Variants in MIPEP observed in about 807,000 individuals in gnomAD.
MIPEP encodes the protein mitochondrial intermediate peptidase.
A neutral mutation model predicts 90.3 loss-of-function variants in MIPEP; 79 were observed. That is an observed-to-expected ratio of 0.87 (90% CI 0.73 to 1.05). The LOEUF (loss-of-function observed/expected upper bound fraction) is 1.05. Among genes scored for constraint, MIPEP ranks in the 50% least tolerant of loss-of-function variants. The pLI is 0.00. For synonymous variants in MIPEP, 334 were observed against 315.8 expected (o/e 1.06, Z -0.61); for missense variants, 940 against 905.6 (o/e 1.04, Z -0.49).
rs1423452263 is a variant in MIPEP, at chr13:23,751,218, TAAAC to T, written c.2044+5323_2044+5326del. Reference sequence around the variant, plus strand: ...AACCATAATTCTCTGGTTTGTTTCTTAAACAAAAAAAATTTAATAAGCTAGAAGA... The same window carrying T: ...AACCATAATTCTCTGGTTTGTTTCTTAAAAAAAATTTAATAAGCTAGAAGA... On this transcript the variant is annotated intron_variant, in intron 18 of 18. Coordinates refer to ENST00000382172, the MANE Select transcript of MIPEP (RefSeq NM_005932.4). Among the ~76,000 whole-genome samples, 3 of 152,166 alleles carry T rather than the reference TAAAC, an allele frequency of 2.0e-5. No homozygotes were observed. In the South Asian group the frequency reaches 6.2e-4, roughly 32 times the overall value.
intron 2 of MIPEP, among the ~76,000 whole-genome samples, chr13:23,883,004 C>G (rs1871329227): frequency 6.6e-6 from 1 of 151,656 alleles, no homozygotes; most frequent in Non-Finnish European, 1.5e-5. Context: ...AAAAAGAAAA[C>G]AAAATAAAAT....
chr13:23,854,914 TAAAC>T (rs1284025106), intron 10 of MIPEP, among the ~76,000 whole-genome samples: 9 of 146,830 alleles, frequency 6.1e-5, no homozygotes, highest in African/African-American at 1.0e-4. Flanking sequence ...AAAAAAACAA[TAAAC>T]AAACAAACAA....
In MIPEP at chr13:23,837,573, T is replaced by C. The variant is rs1472859073; in HGVS notation, c.1522A>G (p.Thr508Ala). 6.2e-7 allele frequency: 1 copy of C among 1,612,912 alleles called. No individual in the cohort carries two copies. Among genetic ancestry groups the C allele is most frequent in the Non-Finnish European group, 8.5e-7 (1 of 1,179,090 alleles). Residue 508 changes from threonine to alanine, a missense_variant, in exon 13 of 19, where the codon ACT becomes GCT. Thr to Ala is a moderately conservative substitution (Grantham distance 58). Coordinates refer to ENST00000382172, the MANE Select transcript of MIPEP (RefSeq NM_005932.4). Reference sequence around the variant, plus strand: ...TCACCAGTGACGTGTTGGTAACGAGTACGTCCTAGCATTGAATGCATGGCA... The same window carrying C: ...TCACCAGTGACGTGTTGGTAACGAGCACGTCCTAGCATTGAATGCATGGCA... The part of the protein sequence containing the change: ...GHAMHSMLGR[T>A]RYQHVTGTRC...
chr13:23,745,349 A>G (rs928008328), intron 18 of MIPEP, among the ~76,000 whole-genome samples: 2 of 152,232 alleles, frequency 1.3e-5, no homozygotes, highest in African/African-American at 4.8e-5. Flanking sequence ...AGACATAAAC[A>G]AACACCAGAA....
intron 18 of MIPEP, among the ~76,000 whole-genome samples, chr13:23,755,924 TA>T (rs140174573): frequency 1.3e-4 from 19 of 147,662 alleles, no homozygotes; most frequent in Admixed American, 5.4e-4. Context: ...TTCTTTAGAC[TA>T]AAAAAAAAAC....
At position 23,869,368 on chromosome 13, in the gene MIPEP, T is replaced by G; in HGVS notation, c.867A>C (p.Arg289Ser). ...LKCLEELLSS[R>S]DLLAKLVGYS... ...ACCCCACCAACTTTGCCAGAAGATC[T>G]CTGCTGCTGAGCAATTCTTCTAAAC... The change falls in exon 7 of 19, where the codon AGA (arginine) becomes AGC (serine). Residue 289 changes from arginine (R) to serine (S), a missense_variant. Physicochemically the swap from Arg to Ser is moderately radical, Grantham distance 110. Coordinates refer to ENST00000382172, the MANE Select transcript of MIPEP (RefSeq NM_005932.4). The G allele has an allele frequency of 1.2e-6, 2 of 1,613,720 alleles. No individual in the cohort carries two copies. The highest frequency in any genetic ancestry group is 1.7e-6 in the Non-Finnish European group (2 of 1,179,928).
chr13:23,870,543 G>A (rs888946599), intron 5 of MIPEP, among the ~76,000 whole-genome samples: 3 of 152,022 alleles, frequency 2.0e-5, no homozygotes, highest in African/African-American at 4.8e-5. Flanking sequence ...AGTGACTCAC[G>A]CCTGTAATCC....
At chr13:23,812,189 T>C (rs1353007378) in intron 14 of MIPEP, among the ~76,000 whole-genome samples, 3 of 66,066 alleles carry the variant, frequency 4.5e-5, no homozygotes, top group Non-Finnish European at 9.2e-5. Context: ...TTACTAACTG[T>C]AACGCGTGCA....
intron 16 of MIPEP, among the ~76,000 whole-genome samples, chr13:23,783,041 G>A (rs1257909747): frequency 6.6e-6 from 1 of 152,160 alleles, no homozygotes; most frequent in Non-Finnish European, 1.5e-5. Flanking sequence ...GGAGGAGCTG[G>A]TACCATTCCT....
chr13:23,731,213 A>C (rs1024253385), intron 18 of MIPEP, among the ~76,000 whole-genome samples: 2 of 152,230 alleles, frequency 1.3e-5, no homozygotes, highest in African/African-American at 4.8e-5. Flanking sequence ...CAGGCTCTAT[A>C]TACTGATATT....
intron 16 of MIPEP, among the ~76,000 whole-genome samples, chr13:23,788,125 C>T (rs565721074): frequency 6.6e-6 from 1 of 152,230 alleles, no homozygotes; most frequent in South Asian, 2.1e-4. Context: ...AAAGGAAACT[C>T]CCACCCTTAA....
rs537059355 is a variant in MIPEP, at chr13:23,825,512, C to T, written c.1653+10728G>A. On this transcript the variant is annotated intron_variant, in intron 14 of 18. Coordinates refer to ENST00000382172, the MANE Select transcript of MIPEP (RefSeq NM_005932.4). ...ATGAAAGCACTAGAATGTTACTGTT[C>T]TAAAAATAACACTTAAAGTAGATAT... Among the ~76,000 whole-genome samples the T allele has an allele frequency of 3.9e-5, 6 of 152,210 alleles. No homozygotes were observed. In the South Asian group the frequency reaches 1.0e-3, roughly 26 times the overall value.
chr13:23,860,528 G>C (rs1031083113), intron 9 of MIPEP, among the ~76,000 whole-genome samples: 1 of 152,182 alleles, frequency 6.6e-6, no homozygotes, highest in African/African-American at 2.4e-5. Flanking sequence ...AAGGAGGCAA[G>C]GGCCAAATCA....
intron 3 of MIPEP, among the ~76,000 whole-genome samples, chr13:23,880,499 G>C (rs1036010606): frequency 1.6e-4 from 24 of 152,270 alleles, no homozygotes; most frequent in East Asian, 3.9e-4. Context: ...TTTGTCCTCC[G>C]ACAAAATGAA....
chr13:23,805,403 A>G (rs1042804259), intron 16 of MIPEP, among the ~76,000 whole-genome samples: 1 of 152,204 alleles, frequency 6.6e-6, no homozygotes, highest in Non-Finnish European at 1.5e-5. Flanking sequence ...ATATAATTTA[A>G]TTTATAAGGT....
chr13:23,769,229 C>A (rs1012535344), intron 16 of MIPEP, among the ~76,000 whole-genome samples: 3 of 152,162 alleles, frequency 2.0e-5, no homozygotes, highest in Non-Finnish European at 4.4e-5. Context: ...AGGACAGCAA[C>A]GGGGCCTCTG....
intron 16 of MIPEP, among the ~76,000 whole-genome samples, chr13:23,795,212 A>G (rs913631662): frequency 2.6e-5 from 4 of 152,046 alleles, no homozygotes; most frequent in African/African-American, 9.7e-5. Flanking sequence ...GGGCGAAGAA[A>G]AAAAAAAAGA....
intron 16 of MIPEP, among the ~76,000 whole-genome samples, chr13:23,782,058 T>C (rs1337059617): frequency 1.6e-4 from 24 of 151,828 alleles, no homozygotes; most frequent in Admixed American, 4.6e-4. Context: ...AGACAGAAAG[T>C]TAACAAGGAT....
intron 18 of MIPEP, among the ~76,000 whole-genome samples, chr13:23,735,438 A>G (rs1456856083): frequency 6.6e-6 from 1 of 152,248 alleles, no homozygotes; most frequent in Non-Finnish European, 1.5e-5. Context: ...TGGAATTCTC[A>G]GAAGAGAAAG....
Sources: gnomAD v4.1 joint callset for allele counts (sites outside exome capture counted in the v4.1 genomes callset) on GRCh38, gnomAD v4.1.1 for gene constraint, MANE v1.5 for transcripts, NCBI Gene and HGNC (gene_info 2026-07-23, HGNC 2026-07-21) for gene names.